LYPD6: variants seen among roughly 807,000 people sequenced by gnomAD.
LYPD6 encodes LY6/PLAUR domain containing 6.
LYPD6 carries 15 observed loss-of-function variants against 22.7 expected under a neutral mutation model. That is an observed-to-expected ratio of 0.66 (90% CI 0.44 to 1.02). The LOEUF (loss-of-function observed/expected upper bound fraction) is 1.02, where lower values mean the gene tolerates loss of function less well. Ranked by LOEUF, LYPD6 falls within the 50% of genes least tolerant of loss-of-function variation. The pLI is 0.00. For synonymous variants in LYPD6, 72 were observed against 77.5 expected, an observed-to-expected ratio of 0.93 and a Z score of 0.37; for missense variants, 189 against 208.4, an observed-to-expected ratio of 0.91 and a Z score of 0.57.
chr2:149,477,639 A>G (rs990206449), downstream of LYPD6, among the ~76,000 whole-genome samples: 15 of 149,958 alleles, frequency 1.0e-4, no homozygotes, highest in Middle Eastern at 3.4e-3. Context: ...AAAAAAAAAA[A>G]AAAAAAAAAG....
At chr2:149,466,118 A>G (rs1237541885) in intron 3 of LYPD6, among the ~76,000 whole-genome samples, 1 of 152,174 alleles carries the variant, frequency 6.6e-6, no homozygotes, top group African/African-American at 2.4e-5. Flanking sequence ...CAGTCCAGTG[A>G]TAAGCCAAAT....
intron 1 of LYPD6, among the ~76,000 whole-genome samples, chr2:149,372,208 C>T (rs1490110861): frequency 2.0e-5 from 3 of 152,148 alleles, no homozygotes; most frequent in African/African-American, 7.2e-5. Context: ...CAAGCTGCCG[C>T]AGCACAGCCC....
chr2:149,458,829 A>C (rs1175917883), intron 3 of LYPD6, among the ~76,000 whole-genome samples: 1 of 152,218 alleles, frequency 6.6e-6, no homozygotes, highest in Non-Finnish European at 1.5e-5. Context: ...GAATGGAAGG[A>C]ACAAAGGGAA....
downstream of LYPD6, chr2:149,474,148 A>C (rs945306987): frequency 6.6e-6 from 1 of 152,054 alleles, no homozygotes. Context: ...AGCTTGAAAA[A>C]TGTCAGTTTG....
At position 149,411,866 on chromosome 2, in the gene LYPD6, A is replaced by G. The variant is rs763303676; in HGVS notation, c.-71-25772A>G. ...TAAAGGTTAGACATAGAGCCCACAT[A>G]TATATGTATATGTATTTATGCATTT... On this transcript the variant is annotated intron_variant, in intron 1 of 4. Coordinates refer to ENST00000334166, the MANE Select transcript of LYPD6 (RefSeq NM_194317.5). Among the ~76,000 whole-genome samples, 33 of 152,316 alleles carry G rather than the reference A, an allele frequency of 2.2e-4. 1 individual carries two copies. Among genetic ancestry groups the G allele is most frequent in the Middle Eastern group, 3.4e-3 (1 of 294 alleles).
At position 149,437,679 on chromosome 2, in the gene LYPD6, C is replaced by T. The variant is rs769123861; in HGVS notation, c.-30C>T. 15 of 1,613,052 alleles carry T rather than the reference C, an allele frequency of 9.3e-6. 1 individual carries two copies. The South Asian group carries it at 1.5e-4, about 17-fold the overall frequency. ...GTTGCCCTGAGTGCCCACTCCCAGG[C>T]CCTCTGTATGAGTGACACTTCAGTC... On this transcript the variant is annotated 5_prime_UTR_variant, in exon 2 of 5. Coordinates refer to ENST00000334166, the MANE Select transcript of LYPD6 (RefSeq NM_194317.5).
At chr2:149,408,055 GTGATCTGCGAATGCTGC>G (rs1682763657) in intron 1 of LYPD6, among the ~76,000 whole-genome samples, 1 of 152,122 alleles carries the variant, frequency 6.6e-6, no homozygotes. Context: ...GCGGATTTTC[GTGATCTGCGAATGCTGC>G]TGTCTGATCG....
At chr2:149,406,300 G>C (rs1299697722) in intron 1 of LYPD6, among the ~76,000 whole-genome samples, 1 of 152,090 alleles carries the variant, frequency 6.6e-6, no homozygotes, top group Non-Finnish European at 1.5e-5. Context: ...TTAACTTTCT[G>C]TCTCGTTGAT....
At chr2:149,383,835 A>G (rs1228001151) in intron 1 of LYPD6, among the ~76,000 whole-genome samples, 1 of 152,212 alleles carries the variant, frequency 6.6e-6, no homozygotes, top group African/African-American at 2.4e-5. Flanking sequence ...TGTTTGTTAT[A>G]ACCTACACCT....
chr2:149,333,712 C>T (rs1391368536), intron 1 of LYPD6, among the ~76,000 whole-genome samples: 1 of 152,204 alleles, frequency 6.6e-6, no homozygotes, highest in African/African-American at 2.4e-5. Flanking sequence ...AATCTAATGA[C>T]ACAATGCATT....
Position 149,472,453 on chromosome 2 carries a change from G to C in LYPD6, c.*1603G>C, listed in dbSNP as rs973140129. ...GCTAATAAAGAGGACAGTGTTGTCA[G>C]GGTCCATCTGCCCTCCATAGAAAAA... is the stretch of plus-strand genomic sequence containing the variant. On this transcript the variant is annotated 3_prime_UTR_variant, in exon 5 of 5. Transcript: ENST00000334166. The C allele has an allele frequency of 1.3e-5, 2 of 152,630 alleles. No individual in the cohort carries two copies. Among genetic ancestry groups the C allele is most frequent in the African/African-American group, 4.8e-5 (2 of 41,460 alleles). 9.5% of individuals were successfully genotyped at this position (152,630 alleles called of 1,614,324 possible). A position where few individuals can be genotyped will look rare whatever the true frequency, so the allele number is the denominator to read the frequency against.
At chr2:149,404,039 T>C (rs1206079799) in intron 1 of LYPD6, among the ~76,000 whole-genome samples, 1 of 152,194 alleles carries the variant, frequency 6.6e-6, no homozygotes, top group South Asian at 2.1e-4. Context: ...GATCACATAG[T>C]TGTAGATATG....
the LYPD6 span, among the ~76,000 whole-genome samples, chr2:149,485,059 C>A: frequency 6.6e-6 from 1 of 152,162 alleles, no homozygotes. Flanking sequence ...TGATATTAAA[C>A]CTTCCATAAA....
chr2:149,405,519 C>T (rs1682680748), intron 1 of LYPD6, among the ~76,000 whole-genome samples: 1 of 152,180 alleles, frequency 6.6e-6, no homozygotes, highest in African/African-American at 2.4e-5. Flanking sequence ...AGTTTATTTG[C>T]ATAGAGGTGT....
intron 1 of LYPD6, among the ~76,000 whole-genome samples, chr2:149,399,589 C>T (rs568893240): frequency 1.1e-4 from 17 of 151,438 alleles, no homozygotes; most frequent in African/African-American, 3.9e-4. Context: ...ATATAGGGAC[C>T]ATTGGAGTAA....
At chr2:149,462,011 C>T (rs981866831) in intron 3 of LYPD6, among the ~76,000 whole-genome samples, 1 of 151,998 alleles carries the variant, frequency 6.6e-6, no homozygotes, top group African/African-American at 2.4e-5. Flanking sequence ...GCTTTCACTA[C>T]TTTTATTTAG....
chr2:149,403,085 A>G (rs1682599946), intron 1 of LYPD6, among the ~76,000 whole-genome samples: 1 of 152,078 alleles, frequency 6.6e-6, no homozygotes, highest in South Asian at 2.1e-4. Flanking sequence ...GCTGCATAGT[A>G]TTCCACGGTG....
chr2:149,469,449 G>C (rs1465695197), intron 4 of LYPD6, among the ~76,000 whole-genome samples: 1 of 152,060 alleles, frequency 6.6e-6, no homozygotes, highest in Non-Finnish European at 1.5e-5. Flanking sequence ...CTGTCTATAC[G>C]TGTGACCTTA....
chr2:149,348,911 A>G (rs1428122365), intron 1 of LYPD6, among the ~76,000 whole-genome samples: 1 of 152,132 alleles, frequency 6.6e-6, no homozygotes, highest in East Asian at 1.9e-4. Flanking sequence ...TTCTTTGTCT[A>G]TTTGGAAAGA....
Sources: allele counts gnomAD v4.1 joint callset (sites outside exome capture counted in the v4.1 genomes callset), GRCh38; gene constraint gnomAD v4.1.1; transcripts MANE v1.5; gene names NCBI Gene and HGNC (gene_info 2026-07-23, HGNC 2026-07-21).